Variants in MARK1 observed in about 807,000 individuals in gnomAD.
MARK1 encodes the protein serine/threonine-protein kinase MARK1.
MARK1 carries 40 observed loss-of-function variants against 96.3 expected under a neutral mutation model. The ratio of observed to expected loss-of-function variants is 0.42; its 90% CI spans 0.32 to 0.54. The LOEUF (loss-of-function observed/expected upper bound fraction) is 0.54, where lower values mean the gene tolerates loss of function less well. Among genes scored for constraint, MARK1 ranks in the 20% least tolerant of loss-of-function variants. The probability of loss-of-function intolerance (pLI) is 0.16; values close to 1 mark genes in which losing one functional copy is unlikely to be tolerated. For missense variants in MARK1, 719 were observed against 984.6 expected (o/e 0.73, Z 3.61); for synonymous variants, 317 against 341.2 (o/e 0.93, Z 0.78).
intron 3 of MARK1, among the ~76,000 whole-genome samples, chr1:220,584,400 G>T (rs1458262901): frequency 6.6e-6 from 1 of 152,130 alleles, no homozygotes; most frequent in Non-Finnish European, 1.5e-5. Flanking sequence ...AATGTGAATC[G>T]CTTTGCTAGG....
chr1:220,576,433 A>AAT (rs1217939053), intron 1 of MARK1, among the ~76,000 whole-genome samples: 3 of 152,044 alleles, frequency 2.0e-5, no homozygotes, highest in Non-Finnish European at 4.4e-5. Flanking sequence ...AAAAAAAAAA[A>AAT]AAAATCACTT....
At chr1:220,619,577 C>A (rs548242827) in intron 9 of MARK1, among the ~76,000 whole-genome samples, 3 of 152,144 alleles carry the variant, frequency 2.0e-5, no homozygotes, top group Non-Finnish European at 4.4e-5. Context: ...CATTTCATTT[C>A]TTAGCACACT....
At chr1:220,548,579 A>T (rs1661654934) in intron 1 of MARK1, among the ~76,000 whole-genome samples, 1 of 152,090 alleles carries the variant, frequency 6.6e-6, no homozygotes, top group Non-Finnish European at 1.5e-5. Flanking sequence ...ATCTCTACTG[A>T]AAATACAAAA....
intron 3 of MARK1, among the ~76,000 whole-genome samples, 198 bp from the exon 4 acceptor site, chr1:220,598,133 C>T (rs961958268): frequency 1.3e-5 from 2 of 151,990 alleles, no homozygotes; most frequent in African/African-American, 4.8e-5. Flanking sequence ...CAAGTCACAG[C>T]GAAGTTAATG....
At chr1:220,562,768 CT>C (rs1662760363) in intron 1 of MARK1, among the ~76,000 whole-genome samples, 1 of 152,168 alleles carries the variant, frequency 6.6e-6, no homozygotes, top group South Asian at 2.1e-4. Flanking sequence ...CTCCTATATA[CT>C]TTAAAGCATC....
intron 14 of MARK1, among the ~76,000 whole-genome samples, chr1:220,651,517 C>T (rs1668872297): frequency 6.6e-6 from 1 of 152,264 alleles, no homozygotes; most frequent in East Asian, 1.9e-4. Context: ...CAACAGTTAA[C>T]CTATTGACTC....
intron 1 of MARK1, among the ~76,000 whole-genome samples, chr1:220,536,021 T>C (rs1165243049): frequency 1.1e-5 from 1 of 87,168 alleles, no homozygotes; most frequent in African/African-American, 3.0e-5. Context: ...AATTTTATAC[T>C]TTTTTTTTGT....
intron 1 of MARK1, among the ~76,000 whole-genome samples, chr1:220,578,183 A>T (rs182161399): frequency 3.7e-4 from 56 of 152,256 alleles, no homozygotes; most frequent in East Asian, 9.6e-4. Context: ...TTCTTCAGCA[A>T]TTTTTTAAGA....
Position 220,598,398 on chromosome 1 carries a change from T to TAA in MARK1, c.358+19_358+20insAA. 4.7e-6 allele frequency: 1 copy of TAA among 213,524 alleles called. No individual in the cohort carries two copies. The allele number at this position is 213,524 out of a possible 1,614,324, so 13.2% of individuals were successfully genotyped here. A position where few individuals can be genotyped will look rare whatever the true frequency, so the allele number is the denominator to read the frequency against. ...AATATAGGTATGAAATATATATATA[T>TAA]TATATATATATATATATATAATTAG... On this transcript the variant is annotated intron_variant, in intron 4 of 17. Coordinates refer to ENST00000366917, the MANE Select transcript of MARK1 (RefSeq NM_018650.5).
intron 1 of MARK1, among the ~76,000 whole-genome samples, chr1:220,570,969 G>A (rs1484824193): frequency 6.6e-6 from 1 of 152,242 alleles, no homozygotes; most frequent in East Asian, 1.9e-4. Flanking sequence ...TCCATTGTTA[G>A]AACTCATATT....
chr1:220,626,636 A>G (rs1667354930), intron 9 of MARK1: 1 of 356,194 alleles, frequency 2.8e-6, no homozygotes, highest in South Asian at 2.3e-5. Context: ...AGCCTGGCCA[A>G]CATGGTGAAA....
At chr1:220,626,304 A>C (rs1667329631) in intron 9 of MARK1, 3 of 543,388 alleles carry the variant, frequency 5.5e-6, no homozygotes, top group Non-Finnish European at 3.7e-6. Context: ...TCTATACCAC[A>C]GACTGGGTCA....
At chr1:220,562,935 A>G (rs1662772588) in intron 1 of MARK1, among the ~76,000 whole-genome samples, 1 of 152,106 alleles carries the variant, frequency 6.6e-6, no homozygotes, top group Non-Finnish European at 1.5e-5. Context: ...GGTTGAATCC[A>G]TGGATGTGGG....
rs73105437 is a variant in MARK1 at position 220,600,806 on chromosome 1, A to T, written c.424+943A>T. On this transcript the variant is annotated intron_variant, in intron 5 of 17. Coordinates refer to ENST00000366917, the MANE Select transcript of MARK1 (RefSeq NM_018650.5). ...ATTTATAATTTTTATGGTGATTCAG[A>T]TTTTATGTGAACTAGAATAAAAAGG... 3.7e-3 allele frequency among the ~76,000 whole-genome samples: 556 copies of T among 152,128 alleles called. 5 individuals are homozygous for T. The highest frequency in any genetic ancestry group is 0.013 in the African/African-American group (525 of 41,528).
intron 13 of MARK1, among the ~76,000 whole-genome samples, chr1:220,636,923 A>G (rs1667997329): frequency 6.6e-6 from 1 of 151,986 alleles, no homozygotes. Context: ...AAAAAGGAAC[A>G]AGATTCAGAT....
chr1:220,547,119 C>T (rs980100455), intron 1 of MARK1, among the ~76,000 whole-genome samples: 2 of 152,260 alleles, frequency 1.3e-5, no homozygotes, highest in Admixed American at 6.5e-5. Flanking sequence ...ATTTTGGTAC[C>T]TACTTACCTG....
intron 9 of MARK1, among the ~76,000 whole-genome samples, chr1:220,625,028 C>T (rs1667248815): frequency 6.6e-6 from 1 of 152,200 alleles, no homozygotes; most frequent in South Asian, 2.1e-4. Flanking sequence ...ATAACAACTT[C>T]GTAAGGTGTC....
intron 11 of MARK1, among the ~76,000 whole-genome samples, chr1:220,634,691 A>G (rs937379561): frequency 1.3e-5 from 2 of 152,186 alleles, no homozygotes; most frequent in East Asian, 1.9e-4. Flanking sequence ...TAGATTTCCT[A>G]TTGGGATGCC....
At chr1:220,645,877 A>G (rs1375838080) in intron 13 of MARK1, among the ~76,000 whole-genome samples, 1 of 152,202 alleles carries the variant, frequency 6.6e-6, no homozygotes, top group Admixed American at 6.5e-5. Context: ...TCAATAAACT[A>G]GGTATTGAAG....
Sources: allele counts gnomAD v4.1 joint callset (sites outside exome capture counted in the v4.1 genomes callset), GRCh38; gene constraint gnomAD v4.1.1; transcripts MANE v1.5; gene names NCBI Gene and HGNC (gene_info 2026-07-23, HGNC 2026-07-21).